Variants in GTF2IRD2 observed in about 807,000 individuals in gnomAD.
The protein encoded by GTF2IRD2 is GTF2I repeat domain containing 2, also known as general transcription factor II-I repeat domain-containing protein 2A.
Under a neutral mutation model 49.2 loss-of-function variants are expected in GTF2IRD2, and 8 were observed. The observed-to-expected ratio is 0.16, with a 90% CI of 0.10 to 0.29. The LOEUF (loss-of-function observed/expected upper bound fraction) is 0.29, where lower values mean the gene tolerates loss of function less well. GTF2IRD2 is among the 10% of genes least tolerant of loss of function. The pLI is 1.00. For synonymous variants in GTF2IRD2, 47 were observed against 289.7 expected, an observed-to-expected ratio of 0.16 and a Z score of 8.51; for missense variants, 130 against 725.7, an observed-to-expected ratio of 0.18 and a Z score of 9.43.
intron 3 of GTF2IRD2, among the ~76,000 whole-genome samples, chr7:74,831,672 T>C (rs1364701770): frequency 9.6e-6 from 1 of 103,752 alleles, no homozygotes; most frequent in Non-Finnish European, 1.9e-5. Flanking sequence ...AGGTGTAGTT[T>C]TTTGTCTGGT....
chr7:74,807,203 G>A (rs1435657197), intron 11 of GTF2IRD2, among the ~76,000 whole-genome samples, 192 bp from the exon 12 acceptor site: 2 of 51,670 alleles, frequency 3.9e-5, no homozygotes, highest in African/African-American at 1.3e-4. Context: ...CTGCATCCTC[G>A]ACCTCCCACG....
intron 3 of GTF2IRD2, among the ~76,000 whole-genome samples, chr7:74,829,847 C>T (rs1799677772): frequency 6.7e-6 from 1 of 148,932 alleles, no homozygotes; most frequent in Non-Finnish European, 1.5e-5. Flanking sequence ...GAGATCTCTC[C>T]ACTGCACTCC....
Position 74,796,343 on chromosome 7 carries a change from T to C in GTF2IRD2, c.*319A>G. Reference sequence around the variant, plus strand: ...ACTTTGTGAGGTCGAGGCAGGTGGATCACCTGAGGTCAGGAGTTGGAGACC... The same window carrying C: ...ACTTTGTGAGGTCGAGGCAGGTGGACCACCTGAGGTCAGGAGTTGGAGACC... On this transcript the variant is annotated 3_prime_UTR_variant, in exon 16 of 16. Transcript: ENST00000451013. The C allele has an allele frequency of 2.8e-6, 1 of 361,824 alleles. No individual in the cohort carries two copies. Among genetic ancestry groups the C allele is most frequent in the East Asian group, 7.1e-5 (1 of 14,166 alleles). 22.4% of individuals were successfully genotyped at this position (361,824 alleles called of 1,614,324 possible).
intron 1 of GTF2IRD2, among the ~76,000 whole-genome samples, chr7:74,841,546 C>T (rs1351559501): frequency 1.5e-5 from 2 of 136,998 alleles, no homozygotes; most frequent in Non-Finnish European, 3.0e-5. Context: ...TGGCTCCCTG[C>T]AGCCTCCAAC....
intron 1 of GTF2IRD2, among the ~76,000 whole-genome samples, chr7:74,840,067 C>CTTTTTTTTTTT (rs1165672995): frequency 2.9e-5 from 2 of 70,120 alleles, no homozygotes; most frequent in Non-Finnish European, 4.9e-5. Flanking sequence ...GGTCCTATGT[C>CTTTTTTTTTTT]TTTTTTTTTT....
Position 74,850,578 on chromosome 7 carries a change from G to A in GTF2IRD2, c.-6+789C>T, listed in dbSNP as rs1254929475. 3.7e-5 allele frequency among the ~76,000 whole-genome samples: 2 copies of A among 54,050 alleles called. 1 individual carries two copies. Among genetic ancestry groups the A allele is most frequent in the African/African-American group, 1.2e-4 (2 of 17,270 alleles). The allele number at this position is 54,050 out of a possible 152,430, so 35.5% of individuals were successfully genotyped here. A position where few individuals can be genotyped will look rare whatever the true frequency, so the allele number is the denominator to read the frequency against. On this transcript the variant is annotated intron_variant, in intron 1 of 15. Coordinates refer to ENST00000451013, the MANE Select transcript of GTF2IRD2 (RefSeq NM_173537.5). ...GGGGCTGGGGATAGGGACGGGGTGG[G>A]GACCGGGGAATGACGGCCTAATGGG...
At chr7:74,809,659 G>C (rs1554417527) in intron 10 of GTF2IRD2, among the ~76,000 whole-genome samples, 2 of 32,600 alleles carry the variant, frequency 6.1e-5, no homozygotes, top group African/African-American at 3.6e-4. Flanking sequence ...AAAAAAAACA[G>C]AATCATTTTG....
rs1554418903 is a variant in GTF2IRD2, at chr7:74,822,883, T to G, written c.359-76A>C. 16 of 1,520,858 alleles carry G rather than the reference T, an allele frequency of 1.1e-5. No individual in the cohort carries two copies. The Middle Eastern group carries it at 7.5e-4, about 71-fold the overall frequency. The allele number at this position is 1,520,858 out of a possible 1,614,324, so 94.2% of individuals were successfully genotyped here. A position where few individuals can be genotyped will look rare whatever the true frequency, so the allele number is the denominator to read the frequency against. On this transcript the variant is annotated intron_variant, in intron 4 of 15. Coordinates refer to ENST00000451013, the MANE Select transcript of GTF2IRD2 (RefSeq NM_173537.5). The stretch of plus-strand genomic sequence containing the variant: ...AGTTTTTTTTTGTTTGTTTTTTGTT[T>G]TTTGTTTTGTAGAAACAGAGTCTCG...
chr7:74,798,449 C>A (rs1797198463), intron 15 of GTF2IRD2, among the ~76,000 whole-genome samples, 184 bp from the exon 16 acceptor site: 1 of 151,814 alleles, frequency 6.6e-6, no homozygotes, highest in African/African-American at 2.4e-5. Flanking sequence ...CAAACCGCTG[C>A]CAGGATGCCA....
rs782659583 is a variant in GTF2IRD2, at chr7:74,844,355, GTTT to G, written c.-6+7009_-6+7011del. Among the ~76,000 whole-genome samples the G allele has an allele frequency of 4.2e-3, 167 of 39,740 alleles. 10 individuals carry two copies. Among genetic ancestry groups the G allele is most frequent in the South Asian group, 8.8e-3 (11 of 1,244 alleles). 26.1% of individuals were successfully genotyped at this position (39,740 alleles called of 152,430 possible). ...GTAAACTAGACTAGATGAGGATTATGTTTTTTTTATTTATTTATTTATTTATTT... is the reference window on the plus strand; with the variant it reads ...GTAAACTAGACTAGATGAGGATTATGTTTTTATTTATTTATTTATTTATTT... On this transcript the variant is annotated intron_variant, in intron 1 of 15. Coordinates refer to ENST00000451013, the MANE Select transcript of GTF2IRD2 (RefSeq NM_173537.5).
intron 3 of GTF2IRD2, among the ~76,000 whole-genome samples, chr7:74,829,270 C>T (rs2131750010): frequency 5.4e-5 from 1 of 18,640 alleles, no homozygotes; most frequent in South Asian, 1.6e-3. Context: ...TGGTGCATGC[C>T]TGTAGTCCCA....
At chr7:74,830,277 C>T (rs1458049454) in intron 3 of GTF2IRD2, among the ~76,000 whole-genome samples, 2 of 127,892 alleles carry the variant, frequency 1.6e-5, no homozygotes, top group South Asian at 2.8e-4. Flanking sequence ...CAGAGGCAGG[C>T]GGATCACCTG....
chr7:74,832,583 A>G (rs1414472949), intron 3 of GTF2IRD2: 3 of 747,566 alleles, frequency 4.0e-6, no homozygotes, highest in Non-Finnish European at 4.4e-6. Context: ...ATTTATTCTA[A>G]TAAACCAGAG....
Position 74,796,442 on chromosome 7 carries a change from G to C in GTF2IRD2, c.*220C>G. On this transcript the variant is annotated 3_prime_UTR_variant, in exon 16 of 16. Transcript: ENST00000451013. ...CCAGGCATGGTGGCGCACGCCTGTA[G>C]TCCCAGCTGCTCGGGAGGCTGAGGC... 1.9e-6 allele frequency: 1 copy of C among 528,802 alleles called. No individual in the cohort carries two copies. The highest frequency in any genetic ancestry group is 3.4e-6 in the Non-Finnish European group (1 of 293,342). The allele number at this position is 528,802 out of a possible 1,614,324, so 32.8% of individuals were successfully genotyped here. A position where few individuals can be genotyped will look rare whatever the true frequency, so the allele number is the denominator to read the frequency against.
intron 6 of GTF2IRD2, 122 bp downstream of exon 6, chr7:74,822,305 C>T (rs1466786790): frequency 1.5e-5 from 18 of 1,229,520 alleles, no homozygotes; most frequent in Non-Finnish European, 2.0e-5. Flanking sequence ...CTGCCTCAGC[C>T]TCCCAAAGTG....
chr7:74,829,601 G>A (rs1554420142), intron 3 of GTF2IRD2, among the ~76,000 whole-genome samples: 1 of 149,010 alleles, frequency 6.7e-6, no homozygotes, highest in Non-Finnish European at 1.5e-5. Flanking sequence ...TTCACATGGG[G>A]CTGGGCGCGG....
At chr7:74,827,829 C>CT in intron 3 of GTF2IRD2, among the ~76,000 whole-genome samples, 1 of 38,888 alleles carries the variant, frequency 2.6e-5, no homozygotes. Flanking sequence ...TTTTCCTTTC[C>CT]CTTTTTTTTT....
chr7:74,827,980 A>ACACCTGGCT (rs1799540563), intron 3 of GTF2IRD2, among the ~76,000 whole-genome samples: 1 of 30,868 alleles, frequency 3.2e-5, no homozygotes, highest in Non-Finnish European at 5.1e-5. Flanking sequence ...GCCACCACTA[A>ACACCTGGCT]AATTTTTGTA....
At chr7:74,819,890 T>A (rs1213783693) in intron 7 of GTF2IRD2, 79 bp downstream of exon 7, 1 of 1,491,518 alleles carries the variant, frequency 6.7e-7, no homozygotes, top group Non-Finnish European at 9.3e-7. Flanking sequence ...ACTTAAATGC[T>A]GTAAGGAGGC....
Sources: allele counts gnomAD v4.1 joint callset (sites outside exome capture counted in the v4.1 genomes callset), GRCh38; gene constraint gnomAD v4.1.1; transcripts MANE v1.5; gene names NCBI Gene and HGNC (gene_info 2026-07-23, HGNC 2026-07-21).